Variants in CACNA1D observed in about 807,000 individuals in gnomAD.
CACNA1D encodes the protein calcium voltage-gated channel subunit alpha1 D.
A neutral mutation model predicts 257.1 loss-of-function variants in CACNA1D; 55 were observed. That is an observed-to-expected ratio of 0.21 (90% CI 0.17 to 0.27). The LOEUF is 0.27. Among genes scored for constraint, CACNA1D ranks in the 10% least tolerant of loss-of-function variants. CACNA1D has a pLI of 1.00. For missense variants in CACNA1D, 1,876 were observed against 2,784.0 expected (o/e 0.67, Z 7.34); for synonymous variants, 980 against 1,014.9 (o/e 0.97, Z 0.65).
intron 3 of CACNA1D, among the ~76,000 whole-genome samples, chr3:53,504,821 C>T (rs1301019779): frequency 6.6e-6 from 1 of 152,088 alleles, no homozygotes; most frequent in Non-Finnish European, 1.5e-5. Context: ...TATAAGCAAA[C>T]CGACATGGTT....
At chr3:53,496,044 GACTCGTC>G (rs2090329574) in intron 1 of CACNA1D, among the ~76,000 whole-genome samples, 1 of 152,188 alleles carries the variant, frequency 6.6e-6, no homozygotes, top group South Asian at 2.1e-4. Flanking sequence ...GACATGACTC[GACTCGTC>G]CCCGCTCCGA....
At chr3:53,797,324 G>A (rs1010931228) in intron 40 of CACNA1D, among the ~76,000 whole-genome samples, 24 of 152,128 alleles carry the variant, frequency 1.6e-4, no homozygotes, top group Admixed American at 3.3e-4. Flanking sequence ...ACTCCCAGTC[G>A]TGGGGGACAG....
At chr3:53,704,816 G>T (rs565711733) in intron 9 of CACNA1D, among the ~76,000 whole-genome samples, 2 of 152,348 alleles carry the variant, frequency 1.3e-5, no homozygotes, top group East Asian at 3.9e-4. Flanking sequence ...GTCCCCCAGG[G>T]AGCTGAGTGA....
At chr3:53,530,570 A>G (rs1329430998) in intron 3 of CACNA1D, among the ~76,000 whole-genome samples, 1 of 152,198 alleles carries the variant, frequency 6.6e-6, no homozygotes, top group Non-Finnish European at 1.5e-5. Flanking sequence ...GCAGGGACCT[A>G]CAACACTGCT....
intron 19 of CACNA1D, 45 bp from the exon 20 acceptor site, chr3:53,735,329 C>T: frequency 6.3e-7 from 1 of 1,599,792 alleles, no homozygotes; most frequent in Non-Finnish European, 8.6e-7. Flanking sequence ...CCAGTGTGTT[C>T]CACCCTATCT....
chr3:53,718,721 CT>C, intron 10 of CACNA1D: 1 of 1,558,520 alleles, frequency 6.4e-7, no homozygotes, highest in Non-Finnish European at 8.7e-7. Flanking sequence ...AGGCGGGGCC[CT>C]CTGGGTGTCG....
chr3:53,745,910 AG>A, intron 25 of CACNA1D, 35 bp downstream of exon 25: 1 of 1,531,082 alleles, frequency 6.5e-7, no homozygotes. Context: ...GGGACTTAGA[AG>A]AGCAAATAGC....
intron 3 of CACNA1D, among the ~76,000 whole-genome samples, chr3:53,649,617 G>T (rs958231350): frequency 1.3e-5 from 2 of 152,138 alleles, no homozygotes; most frequent in East Asian, 3.9e-4. Flanking sequence ...TTTAGAAGTG[G>T]TGTTCACGTG....
intron 9 of CACNA1D, among the ~76,000 whole-genome samples, chr3:53,703,344 G>A (rs1320124480): frequency 1.3e-5 from 2 of 152,212 alleles, no homozygotes; most frequent in African/African-American, 2.4e-5. Context: ...TAAGGGGCAC[G>A]TGAGTCAGTG....
chr3:53,805,814 TCCTCCTCCTCCATCTTC>T (rs1324987849), intron 45 of CACNA1D, among the ~76,000 whole-genome samples: 4 of 119,966 alleles, frequency 3.3e-5, no homozygotes, highest in Non-Finnish European at 5.0e-5. Context: ...CTATCTTCCC[TCCTCCTCCTCCATCTTC>T]CCTCCTCCTC....
At chr3:53,613,554 G>A (rs1432436449) in intron 3 of CACNA1D, among the ~76,000 whole-genome samples, 1 of 152,132 alleles carries the variant, frequency 6.6e-6, no homozygotes, top group Non-Finnish European at 1.5e-5. Context: ...CTGTGTGTGT[G>A]TGTGTGTGTG....
intron 4 of CACNA1D, among the ~76,000 whole-genome samples, chr3:53,655,249 G>C (rs1034360760): frequency 3.9e-5 from 6 of 152,118 alleles, no homozygotes; most frequent in African/African-American, 1.4e-4. Flanking sequence ...CCATGTCTTT[G>C]CTATTGTGAA....
In CACNA1D at chr3:53,811,397, C is replaced by T; in HGVS notation, c.6477C>T (p.Thr2159=). Residue 2159 remains threonine (T), a synonymous_variant, in exon 48 of 48, where the codon ACC becomes ACT. Coordinates refer to ENST00000350061, the MANE Select transcript of CACNA1D (RefSeq NM_001128840.3). This position sits in a 1 kb window ranked among gnomAD's most constrained non-coding sequence, Gnocchi z 4.2. ...EDLADEMICI[T]TL ...TGGCGGATGAAATGATATGCATCAC[C>T]ACCTTGTAGCCCCCAGCGAGGGGCA... 1 of 1,563,562 alleles carries T rather than the reference C, an allele frequency of 6.4e-7. No homozygotes were observed. Among genetic ancestry groups the T allele is most frequent in the Non-Finnish European group, 8.7e-7 (1 of 1,152,334 alleles).
At chr3:53,696,968 A>G (rs1405488994) in intron 8 of CACNA1D, among the ~76,000 whole-genome samples, 1 of 152,052 alleles carries the variant, frequency 6.6e-6, no homozygotes, top group Non-Finnish European at 1.5e-5. Flanking sequence ...GAGGGAAGCA[A>G]GCTCTGATGA....
chr3:53,659,178 A>G (rs1248700040), intron 4 of CACNA1D, among the ~76,000 whole-genome samples: 1 of 152,234 alleles, frequency 6.6e-6, no homozygotes, highest in Non-Finnish European at 1.5e-5. Context: ...TGTTTAAAAG[A>G]GCAAAAGTCA....
At chr3:53,665,244 G>A (rs190033023) in intron 5 of CACNA1D, among the ~76,000 whole-genome samples, 83 of 152,238 alleles carry the variant, frequency 5.5e-4, no homozygotes, top group Non-Finnish European at 9.6e-4. Flanking sequence ...AGTTATTTGT[G>A]TTTAATTCTA....
In CACNA1D at chr3:53,639,371, G is replaced by A. The variant is rs559569837; in HGVS notation, c.484-11408G>A. Among the ~76,000 whole-genome samples, 98 of 151,926 alleles carry A rather than the reference G, an allele frequency of 6.5e-4. 4 individuals are homozygous for A. The South Asian group carries it at 0.02, about 31-fold the overall frequency. Reference sequence around the variant, plus strand: ...GAACATGACTGAGCAACAGGGAAATGAGATTTCTCTCTCTCTCTCTTTTTT... The same window carrying A: ...GAACATGACTGAGCAACAGGGAAATAAGATTTCTCTCTCTCTCTCTTTTTT... On this transcript the variant is annotated intron_variant, in intron 3 of 47. Transcript: ENST00000350061.
At chr3:53,682,045 A>G (rs1334485922) in intron 8 of CACNA1D, among the ~76,000 whole-genome samples, 3 of 152,176 alleles carry the variant, frequency 2.0e-5, no homozygotes, top group Admixed American at 6.5e-5. Flanking sequence ...CCTTTAGACT[A>G]TGTCACAGGT....
intron 20 of CACNA1D, among the ~76,000 whole-genome samples, chr3:53,735,922 G>A (rs1232529786): frequency 1.3e-5 from 2 of 152,228 alleles, no homozygotes; most frequent in African/African-American, 4.8e-5. Context: ...AGGCTGTCTT[G>A]TTCAGGGTTG....
Sources: gnomAD v4.1 joint callset for allele counts (sites outside exome capture counted in the v4.1 genomes callset) on GRCh38, gnomAD v4.1.1 for gene constraint, Gnocchi (gnomAD v3.1) non-coding constraint, MANE v1.5 for transcripts, NCBI Gene and HGNC (gene_info 2026-07-23, HGNC 2026-07-21) for gene names.